TRPM6: variants seen among roughly 807,000 people sequenced by gnomAD.
TRPM6 encodes transient receptor potential cation channel subfamily M member 6.
Under a neutral mutation model 247.6 loss-of-function variants are expected in TRPM6, and 111 were observed. The ratio of observed to expected loss-of-function variants is 0.45; its 90% CI spans 0.38 to 0.52. The LOEUF (loss-of-function observed/expected upper bound fraction) is 0.52, where lower values mean the gene tolerates loss of function less well. Among genes scored for constraint, TRPM6 ranks in the 20% least tolerant of loss-of-function variants. The pLI, the probability that TRPM6 is intolerant of heterozygous loss-of-function variation, is 0.00. For missense variants in TRPM6, 2,126 were observed against 2,421.5 expected (o/e 0.88, Z 2.56); for synonymous variants, 892 against 853.8 (o/e 1.04, Z -0.78).
At position 74,728,278 on chromosome 9, in the gene TRPM6, GT is replaced by G; in HGVS notation, c.5895del (p.Lys1965AsnfsTer16). ...GEDAIRNFIA[K>X]HHCNSCCRKL... Reference sequence around the variant, plus strand: ...TTCCGGCAGCAGGAGTTACAATGATGTTTTGCAATGAAGTTTCTAATTGCAT... The same window carrying G: ...TTCCGGCAGCAGGAGTTACAATGATGTTTGCAATGAAGTTTCTAATTGCAT... On this transcript the variant is annotated frameshift_variant, in exon 38 of 39. Coordinates refer to ENST00000360774, the MANE Select transcript of TRPM6 (RefSeq NM_017662.5). 1.9e-6 allele frequency: 3 copies of G among 1,614,102 alleles called. No individual in the cohort carries two copies. The highest frequency in any genetic ancestry group is 2.5e-6 in the Non-Finnish European group (3 of 1,180,008).
chr9:74,753,155 A>G (rs940862213), intron 28 of TRPM6, among the ~76,000 whole-genome samples: 1 of 151,406 alleles, frequency 6.6e-6, no homozygotes, highest in African/African-American at 2.4e-5. Context: ...AAATAAATAG[A>G]TTTAATTTTT....
intron 19 of TRPM6, among the ~76,000 whole-genome samples, chr9:74,790,006 A>ATGTGTG (rs71912381): frequency 0.023 from 3,079 of 132,686 alleles, 116 homozygotes; most frequent in African/African-American, 0.075. Flanking sequence ...TGAGAGAAAA[A>ATGTGTG]TGTGTGTGTG....
chr9:74,882,715 A>C (rs1831401411), intron 1 of TRPM6, among the ~76,000 whole-genome samples: 1 of 152,210 alleles, frequency 6.6e-6, no homozygotes, highest in African/African-American at 2.4e-5. Flanking sequence ...TTCCTCCAAA[A>C]ACTAAAAATG....
At chr9:74,795,960 C>CAACA (rs1353929426) in intron 18 of TRPM6, among the ~76,000 whole-genome samples, 1 of 152,118 alleles carries the variant, frequency 6.6e-6, no homozygotes, top group African/African-American at 2.4e-5. Context: ...CACAAGAAGA[C>CAACA]AACACAGTGA....
intron 1 of TRPM6, among the ~76,000 whole-genome samples, chr9:74,868,098 A>G (rs897327980): frequency 2.2e-3 from 321 of 146,796 alleles, no homozygotes; most frequent in African/African-American, 7.7e-3. Flanking sequence ...AGGTTGCAGT[A>G]GGCTGAGATT....
In TRPM6 at chr9:74,858,744, T is replaced by C. The variant is rs1830604694; in HGVS notation, c.38A>G (p.Gln13Arg). 2 of 1,611,834 alleles carry C rather than the reference T, an allele frequency of 1.2e-6. No individual in the cohort carries two copies. The highest frequency in any genetic ancestry group is 2.7e-5 in the African/African-American group (2 of 74,886). Residue 13 changes from glutamine to arginine, a missense_variant, in exon 2 of 39, where the codon CAG becomes CGG. Coordinates refer to ENST00000360774, the MANE Select transcript of TRPM6 (RefSeq NM_017662.5). ...AAATACTCCTTTAATCCAGGATTTC[T>C]GGGACTAAAAAGAAAGTGTCATTAT... ...EQPVLERLQSQKSWIKGVFDK... is the reference protein window; with the variant it reads ...EQPVLERLQSRKSWIKGVFDK...
intron 5 of TRPM6, among the ~76,000 whole-genome samples, chr9:74,835,485 T>C (rs186921922): frequency 1.4e-4 from 22 of 152,256 alleles, no homozygotes; most frequent in Admixed American, 9.2e-4. Flanking sequence ...TATGCACAAA[T>C]ATTTCAAAGC....
chr9:74,742,463 AT>A, intron 33 of TRPM6, 97 bp downstream of exon 33: 1 of 1,234,534 alleles, frequency 8.1e-7, no homozygotes, highest in Non-Finnish European at 1.2e-6. Flanking sequence ...ACAAAACAAA[AT>A]TTTCAACTAA....
At chr9:74,725,532 T>A (rs1207478044) in intron 38 of TRPM6, among the ~76,000 whole-genome samples, 2 of 152,156 alleles carry the variant, frequency 1.3e-5, no homozygotes, top group Non-Finnish European at 2.9e-5. Flanking sequence ...TTCCCACGTG[T>A]CATGGGGGGA....
chr9:74,812,419 T>C lies in TRPM6; in HGVS notation c.1323A>G (p.Glu441=). The change falls in exon 12 of 39, where the codon GAA becomes GAG. Residue 441 remains glutamate, a synonymous_variant. Transcript: ENST00000360774. ...YEQHWKPDAL[E]QAMSDALVMD... ...TCACTAAAGCATCTGACATTGCTTGTTCCAGGGCATCAGGCTTCAGAAAGC... is the reference window on the plus strand; with the variant it reads ...TCACTAAAGCATCTGACATTGCTTGCTCCAGGGCATCAGGCTTCAGAAAGC... 6.2e-7 allele frequency: 1 copy of C among 1,614,032 alleles called. No individual in the cohort carries two copies. The highest frequency in any genetic ancestry group is 2.2e-5 in the East Asian group (1 of 44,868).
rs1827960494 is a variant in TRPM6, at chr9:74,792,908, G to A, written c.2392-138C>T. ...GCGGTGGCTCACACCTGTAATCCCA[G>A]CACTTTGGGAGGCCAAGGTGGGCAG... is the stretch of plus-strand genomic sequence containing the variant. On this transcript the variant is annotated intron_variant, in intron 18 of 38. Transcript: ENST00000360774. 4 of 844,554 alleles carry A rather than the reference G, an allele frequency of 4.7e-6. No homozygotes were observed. In the East Asian group the frequency reaches 1.1e-4, roughly 23 times the overall value. The allele number at this position is 844,554 out of a possible 1,614,324, so 52.3% of individuals were successfully genotyped here.
intron 29 of TRPM6, among the ~76,000 whole-genome samples, chr9:74,751,111 G>A (rs1471332581): frequency 1.3e-5 from 2 of 152,098 alleles, no homozygotes; most frequent in Admixed American, 6.6e-5. Context: ...CAGACAACAC[G>A]GATCATCACA....
chr9:74,807,403 T>C (rs1480188436), intron 14 of TRPM6, among the ~76,000 whole-genome samples: 1 of 152,224 alleles, frequency 6.6e-6, no homozygotes, highest in Non-Finnish European at 1.5e-5. Flanking sequence ...TCCCCTCATC[T>C]TCTAATAAGA....
rs1478226922 is a variant in TRPM6 at position 74,761,726 on chromosome 9, T to C, written c.4755A>G (p.Lys1585=). 2.4e-5 allele frequency: 38 copies of C among 1,613,550 alleles called. No homozygotes were observed. Among genetic ancestry groups the C allele is most frequent in the Non-Finnish European group, 3.1e-5 (37 of 1,179,604 alleles). ...MLTKDRRLSK[K]KKNTQGLQVP... ...CCTGGAGTCCTTGAGTATTCTTCTT[T>C]TTCTTTGACAGTCTCCTGTCTTTGG... is the stretch of plus-strand genomic sequence containing the variant. Residue 1585 remains lysine (K), a synonymous_variant, in exon 27 of 39, where the codon AAA becomes AAG. Coordinates refer to ENST00000360774, the MANE Select transcript of TRPM6 (RefSeq NM_017662.5).
intron 30 of TRPM6, among the ~76,000 whole-genome samples, chr9:74,749,961 C>G (rs1563996229): frequency 6.6e-6 from 1 of 152,134 alleles, no homozygotes; most frequent in Non-Finnish European, 1.5e-5. Context: ...TGAATTCTAC[C>G]TGTATGAATA....
At chr9:74,857,133 A>T (rs1304937524) in intron 2 of TRPM6, among the ~76,000 whole-genome samples, 1 of 152,210 alleles carries the variant, frequency 6.6e-6, no homozygotes, top group Non-Finnish European at 1.5e-5. Flanking sequence ...CCACCACATG[A>T]TGTCATAAAA....
At chr9:74,803,652 T>C in intron 15 of TRPM6, 142 bp downstream of exon 15, 1 of 745,414 alleles carries the variant, frequency 1.3e-6, no homozygotes, top group Non-Finnish European at 2.4e-6. Context: ...AGCTGTGTTA[T>C]GCTTTTGACT....
chr9:74,796,910 A>T lies in TRPM6; in HGVS notation c.2239-17T>A. 1 of 1,607,122 alleles carries T rather than the reference A, an allele frequency of 6.2e-7. No homozygotes were observed. Among genetic ancestry groups the T allele is most frequent in the Non-Finnish European group, 8.5e-7 (1 of 1,173,834 alleles). On this transcript the variant is annotated splice_polypyrimidine_tract_variant and intron_variant, in intron 17 of 38. Transcript: ENST00000360774. ...TATAATAATCTGTAAAAGAAAAAAA[A>T]GCAAAACAAAGTAGTAGGGACTACA...
At chr9:74,812,470 A>G in intron 11 of TRPM6, 37 bp from the exon 12 acceptor site, 1 of 1,584,898 alleles carries the variant, frequency 6.3e-7, no homozygotes, top group Non-Finnish European at 8.7e-7. Flanking sequence ...AAAGACAATT[A>G]AGAAAGTAGA....
Sources: allele counts gnomAD v4.1 joint callset (sites outside exome capture counted in the v4.1 genomes callset), GRCh38; gene constraint gnomAD v4.1.1; transcripts MANE v1.5; gene names NCBI Gene and HGNC (gene_info 2026-07-23, HGNC 2026-07-21).